Variants in ATAD2B observed in about 807,000 individuals in gnomAD.
The protein encoded by ATAD2B is ATPase family AAA domain-containing protein 2B.
ATAD2B carries 40 observed loss-of-function variants against 167.6 expected under a neutral mutation model. The ratio of observed to expected loss-of-function variants is 0.24; its 90% confidence interval spans 0.19 to 0.31. The LOEUF is 0.31. Ranked by LOEUF, ATAD2B falls within the 10% of genes least tolerant of loss-of-function variation. The probability of loss-of-function intolerance (pLI) is 1.00; values close to 1 mark genes in which losing one functional copy is unlikely to be tolerated. For missense variants in ATAD2B, 1,242 were observed against 1,757.2 expected, an observed-to-expected ratio of 0.71 and a Z score of 5.24; for synonymous variants, 579 against 596.5, an observed-to-expected ratio of 0.97 and a Z score of 0.43.
intron 22 of ATAD2B, among the ~76,000 whole-genome samples, chr2:23,769,173 G>A (rs1280004208): frequency 6.6e-6 from 1 of 152,144 alleles, no homozygotes. Flanking sequence ...GAGCACGGGG[G>A]CTCACGCCTG....
At chr2:23,805,217 T>C (rs761632112) in intron 18 of ATAD2B, among the ~76,000 whole-genome samples, 9 of 152,022 alleles carry the variant, frequency 5.9e-5, no homozygotes, top group Non-Finnish European at 1.2e-4. Context: ...GCTTGCTTGA[T>C]ACAGTCAAAT....
chr2:23,899,489 C>A (rs1700542808), intron 1 of ATAD2B, among the ~76,000 whole-genome samples: 1 of 152,170 alleles, frequency 6.6e-6, no homozygotes, highest in African/African-American at 2.4e-5. Context: ...ATATTCAGCA[C>A]AGGGTGGAAA....
At chr2:23,895,417 G>A (rs1211297436) in intron 2 of ATAD2B, among the ~76,000 whole-genome samples, 1 of 151,966 alleles carries the variant, frequency 6.6e-6, no homozygotes, top group South Asian at 2.1e-4. Context: ...TAGATGAAAA[G>A]ATGTCTTTTA....
chr2:23,886,930 C>CAAAAAA lies in ATAD2B; in HGVS notation c.572+896_572+901dup, dbSNP rs771470947. ...TGGGTGACAGAGCGAGACTCCATCT[C>CAAAAAA]AAAAAAAAAAAAAGGGAAAAAGAAA... is the stretch of plus-strand genomic sequence containing the variant. On this transcript the variant is annotated intron_variant, in intron 4 of 27. Transcript: ENST00000238789. Among the ~76,000 whole-genome samples, 161 of 116,378 alleles carry CAAAAAA rather than the reference C, an allele frequency of 1.4e-3. 1 individual carries two copies. The highest frequency in any genetic ancestry group is 2.1e-3 in the Non-Finnish European group (115 of 55,700). The allele number at this position is 116,378 out of a possible 152,430, so 76.3% of individuals were successfully genotyped here.
intron 19 of ATAD2B, 64 bp from the exon 20 acceptor site, chr2:23,788,711 C>T (rs1681190594): frequency 7.6e-7 from 1 of 1,313,188 alleles, no homozygotes; most frequent in African/African-American, 1.5e-5. Context: ...ACATATCATA[C>T]CAAATTGCAA....
intron 22 of ATAD2B, among the ~76,000 whole-genome samples, chr2:23,766,289 A>G (rs1024487855): frequency 1.3e-5 from 2 of 152,202 alleles, no homozygotes; most frequent in Admixed American, 6.5e-5. Flanking sequence ...CATAAACAAT[A>G]CAATATAAAC....
chr2:23,684,851 G>A, the ATAD2B span, among the ~76,000 whole-genome samples: 1 of 152,174 alleles, frequency 6.6e-6, no homozygotes, highest in East Asian at 1.9e-4. This position sits in a 1 kb window ranked among gnomAD's most constrained non-coding sequence, Gnocchi z 4.4. Context: ...TGGCTCACAA[G>A]CTGTCCCTGA....
At chr2:23,848,627 C>G (rs1483088034) in intron 13 of ATAD2B, among the ~76,000 whole-genome samples, 1 of 152,062 alleles carries the variant, frequency 6.6e-6, no homozygotes, top group Non-Finnish European at 1.5e-5. Flanking sequence ...ACCATAAACC[C>G]TAAAGTTACT....
At chr2:23,693,871 C>T in the ATAD2B span, among the ~76,000 whole-genome samples, 1 of 152,272 alleles carries the variant, frequency 6.6e-6, no homozygotes, top group Admixed American at 6.5e-5. Context: ...GGACAGCCCG[C>T]AATGGACCAA....
chr2:23,906,583 C>CTAA (rs1469313015), intron 1 of ATAD2B, among the ~76,000 whole-genome samples: 1 of 152,060 alleles, frequency 6.6e-6, no homozygotes, highest in East Asian at 1.9e-4. Context: ...GTTGATCTGT[C>CTAA]TAATATTGAC....
At chr2:23,833,356 C>T (rs1689372352) in intron 14 of ATAD2B, among the ~76,000 whole-genome samples, 1 of 146,348 alleles carries the variant, frequency 6.8e-6, no homozygotes, top group Non-Finnish European at 1.5e-5. Context: ...CTAGTCAAAC[C>T]AAGAATAATA....
At chr2:23,777,030 C>T (rs1464065261) in intron 22 of ATAD2B, among the ~76,000 whole-genome samples, 1 of 151,984 alleles carries the variant, frequency 6.6e-6, no homozygotes, top group Non-Finnish European at 1.5e-5. Context: ...GGGTTCTAAT[C>T]CAATCTGACT....
the ATAD2B span, among the ~76,000 whole-genome samples, chr2:23,739,160 G>A: frequency 1.3e-5 from 2 of 152,210 alleles, no homozygotes; most frequent in East Asian, 1.9e-4. Context: ...AAGTTAACAA[G>A]GATACCCAGG....
the ATAD2B span, chr2:23,695,883 G>A: frequency 1.3e-6 from 2 of 1,534,984 alleles, no homozygotes; most frequent in Non-Finnish European, 1.8e-6. The surrounding 1 kb of genome is among the most constrained non-coding windows in gnomAD (Gnocchi z 7.6). Flanking sequence ...TGGTTCCAGT[G>A]AGGTGCCAGG....
At chr2:23,914,332 A>G (rs1288739660) in intron 1 of ATAD2B, among the ~76,000 whole-genome samples, 5 of 152,122 alleles carry the variant, frequency 3.3e-5, no homozygotes, top group Admixed American at 3.3e-4. Context: ...AAAAAGTCAA[A>G]ACTCACGAAT....
At chr2:23,745,429 A>AGGAAG (rs1674819238), downstream of ATAD2B, among the ~76,000 whole-genome samples, 2 of 91,684 alleles carry the variant, frequency 2.2e-5, no homozygotes, top group African/African-American at 7.9e-5. Context: ...AGGAAAGGGA[A>AGGAAG]GGGAAGGGAA....
intron 4 of ATAD2B, among the ~76,000 whole-genome samples, chr2:23,887,092 G>A (rs1049433817): frequency 2.6e-5 from 4 of 151,988 alleles, no homozygotes; most frequent in East Asian, 1.9e-4. Context: ...GTGAAACCCC[G>A]TCTTTACTAA....
At chr2:23,754,890 G>A (rs748713744) in intron 25 of ATAD2B, 116 bp from the exon 26 acceptor site, 120 of 1,030,780 alleles carry the variant, frequency 1.2e-4, no homozygotes, top group Non-Finnish European at 1.6e-4. Flanking sequence ...GAGGAAGGGT[G>A]TATTCTTAAG....
At chr2:23,720,071 C>T in the ATAD2B span, among the ~76,000 whole-genome samples, 2 of 152,136 alleles carry the variant, frequency 1.3e-5, no homozygotes, top group Non-Finnish European at 2.9e-5. Flanking sequence ...CTTAAGGTGC[C>T]ACTAAAAGCC....
Sources: gnomAD v4.1 joint callset for allele counts (sites outside exome capture counted in the v4.1 genomes callset) on GRCh38, gnomAD v4.1.1 for gene constraint, Gnocchi (gnomAD v3.1) non-coding constraint, MANE v1.5 for transcripts, NCBI Gene and HGNC (gene_info 2026-07-23, HGNC 2026-07-21) for gene names.